ULK4: variants seen among roughly 807,000 people sequenced by gnomAD.
The protein encoded by ULK4 is inactive serine/threonine-protein kinase ULK4.
A neutral mutation model predicts 160.6 loss-of-function variants in ULK4; 133 were observed. The ratio of observed to expected loss-of-function variants is 0.83; its 90% CI spans 0.72 to 0.96. The LOEUF (loss-of-function observed/expected upper bound fraction) is 0.96. Among genes scored for constraint, ULK4 ranks in the 40% least tolerant of loss-of-function variants. The probability of loss-of-function intolerance (pLI) is 0.00; values close to 1 mark genes in which losing one functional copy is unlikely to be tolerated. For missense variants in ULK4, 1,580 were observed against 1,499.5 expected, an observed-to-expected ratio of 1.05 and a Z score of -0.89; for synonymous variants, 534 against 539.8, an observed-to-expected ratio of 0.99 and a Z score of 0.15.
intron 32 of ULK4, among the ~76,000 whole-genome samples, chr3:41,555,906 C>T (rs1056710640): frequency 7.2e-5 from 11 of 152,140 alleles, no homozygotes; most frequent in African/African-American, 2.4e-4. Context: ...GGCTATTATC[C>T]TTAGCAAACT....
intron 17 of ULK4, among the ~76,000 whole-genome samples, chr3:41,873,015 T>C (rs892510720): frequency 2.6e-5 from 4 of 152,086 alleles, no homozygotes; most frequent in Non-Finnish European, 5.9e-5. Flanking sequence ...AAGCCGAGTA[T>C]GGTGGTAGAC....
chr3:41,921,033 A>G lies in ULK4; in HGVS notation c.542-1215T>C, dbSNP rs559153060. ...CTAAACTAGTCAAATTAAGAAATAA[A>G]TGTGGACCAGGCTCACACTTGTAAT... On this transcript the variant is annotated intron_variant, in intron 5 of 36. Coordinates refer to ENST00000301831, the MANE Select transcript of ULK4 (RefSeq NM_017886.4). Among the ~76,000 whole-genome samples the G allele has an allele frequency of 5.3e-5, 8 of 152,318 alleles. No individual in the cohort carries two copies. In the South Asian group the frequency reaches 8.3e-4, roughly 16 times the overall value.
chr3:41,459,295 C>G (rs530601266), intron 33 of ULK4, among the ~76,000 whole-genome samples: 110 of 152,232 alleles, frequency 7.2e-4, no homozygotes, highest in African/African-American at 2.4e-3. Context: ...GAACTCCTGA[C>G]CACATGTGAT....
At chr3:41,461,551 GA>G (rs1433707102) in intron 33 of ULK4, among the ~76,000 whole-genome samples, 2 of 152,178 alleles carry the variant, frequency 1.3e-5, no homozygotes, top group East Asian at 3.9e-4. Flanking sequence ...GATTTAGAAA[GA>G]TGGTAGCAGT....
chr3:41,754,516 G>T (rs755567347), intron 21 of ULK4, 28 bp from the exon 22 acceptor site: 1 of 1,599,314 alleles, frequency 6.3e-7, no homozygotes, highest in Non-Finnish European at 8.5e-7. Context: ...ACAATTTTTT[G>T]AGAGAACATA....
intron 25 of ULK4, among the ~76,000 whole-genome samples, chr3:41,706,846 A>C (rs796787488): frequency 7.7e-6 from 1 of 129,536 alleles, no homozygotes; most frequent in East Asian, 2.3e-4. Flanking sequence ...AAAAAAAAAA[A>C]ATATGTGTGT....
intron 32 of ULK4, among the ~76,000 whole-genome samples, chr3:41,542,385 C>T (rs1180568720): frequency 3.9e-5 from 6 of 152,128 alleles, no homozygotes; most frequent in African/African-American, 7.2e-5. Context: ...CCAACTTAAT[C>T]GTGTTCGATA....
chr3:41,686,996 T>G (rs2125799115), intron 27 of ULK4, among the ~76,000 whole-genome samples: 1 of 152,224 alleles, frequency 6.6e-6, no homozygotes, highest in Admixed American at 6.5e-5. Context: ...GGTGGGAGGA[T>G]AGCTTGAGCC....
intron 35 of ULK4, among the ~76,000 whole-genome samples, chr3:41,253,522 A>T (rs937357093): frequency 4.0e-5 from 6 of 151,374 alleles, no homozygotes; most frequent in African/African-American, 7.3e-5. Context: ...GATGTAATTT[A>T]AAAAAAAACC....
intron 31 of ULK4, among the ~76,000 whole-genome samples, chr3:41,576,435 C>T (rs2088190474): frequency 6.6e-6 from 1 of 152,202 alleles, no homozygotes; most frequent in Non-Finnish European, 1.5e-5. Context: ...ATAGTGTCCC[C>T]TGTGCCTATG....
rs77391538 is a variant in ULK4, at chr3:41,315,757, G to A, written c.3679-66183C>T. ...AAACATTTCCCCAAAGAAGATGTAC[G>A]AGTGGCCAATAAGCACATGAAAACA... is the stretch of plus-strand genomic sequence containing the variant. On this transcript the variant is annotated intron_variant, in intron 35 of 36. Coordinates refer to ENST00000301831, the MANE Select transcript of ULK4 (RefSeq NM_017886.4). 2.2e-3 allele frequency among the ~76,000 whole-genome samples: 335 copies of A among 152,218 alleles called. 1 individual carries two copies. The highest frequency in any genetic ancestry group is 0.016 in the East Asian group (81 of 5,178).
At chr3:41,899,511 AACCCGT>A (rs1432994938) in intron 13 of ULK4, among the ~76,000 whole-genome samples, 1 of 152,252 alleles carries the variant, frequency 6.6e-6, no homozygotes, top group East Asian at 1.9e-4. Context: ...AAGCCTGTCC[AACCCGT>A]AGCCCATGGG....
chr3:41,950,241 CA>C (rs1286432164), intron 2 of ULK4, among the ~76,000 whole-genome samples: 1 of 151,780 alleles, frequency 6.6e-6, no homozygotes, highest in Admixed American at 6.6e-5. Context: ...TGCATGCCAC[CA>C]CCCCCGGCTA....
intron 35 of ULK4, among the ~76,000 whole-genome samples, chr3:41,313,377 G>C (rs1254286178): frequency 6.6e-6 from 1 of 152,140 alleles, no homozygotes. Context: ...AATAAATTTA[G>C]TGCTTACTAA....
intron 22 of ULK4, among the ~76,000 whole-genome samples, chr3:41,741,342 C>G (rs942530585): frequency 6.6e-6 from 1 of 151,800 alleles, no homozygotes; most frequent in African/African-American, 2.4e-5. Context: ...ACTTTACAAA[C>G]ATAACTTCAT....
intron 30 of ULK4, among the ~76,000 whole-genome samples, chr3:41,641,870 C>A (rs1210431772): frequency 4.9e-5 from 7 of 142,408 alleles, no homozygotes; most frequent in Admixed American, 1.3e-4. Flanking sequence ...ACAATTAATA[C>A]CTTTTTTTTT....
chr3:41,890,413 C>G (rs1427215980), intron 16 of ULK4, among the ~76,000 whole-genome samples: 3 of 152,066 alleles, frequency 2.0e-5, no homozygotes, highest in Non-Finnish European at 4.4e-5. Flanking sequence ...GGCATCGTGG[C>G]TCACACCTGT....
At position 41,386,658 on chromosome 3, in the gene ULK4, T is replaced by C. The variant is rs116243802; in HGVS notation, c.3678+11421A>G. On this transcript the variant is annotated intron_variant, in intron 35 of 36. Transcript: ENST00000301831. ...CACATTCCCCTGCCTCAGAGACCTA[T>C]ACTCAATTAGTCACCAGACCTGGTT... 6.7e-3 allele frequency among the ~76,000 whole-genome samples: 1,014 copies of C among 152,290 alleles called. 3 individuals carry two copies. Among genetic ancestry groups the C allele is most frequent in the African/African-American group, 0.015 (623 of 41,568 alleles).
At chr3:41,525,283 T>C (rs1224515920) in intron 32 of ULK4, among the ~76,000 whole-genome samples, 1 of 152,200 alleles carries the variant, frequency 6.6e-6, no homozygotes, top group Non-Finnish European at 1.5e-5. Context: ...ACTATGACTA[T>C]TAATCTTTAG....
Sources: allele counts gnomAD v4.1 joint callset (sites outside exome capture counted in the v4.1 genomes callset), GRCh38; gene constraint gnomAD v4.1.1; transcripts MANE v1.5; gene names NCBI Gene and HGNC (gene_info 2026-07-23, HGNC 2026-07-21).